PTER: variants seen among roughly 807,000 people sequenced by gnomAD.
PTER encodes phosphotriesterase related.
In PTER, 38 loss-of-function variants were observed where a neutral mutation model predicts 29.6. The observed-to-expected ratio is 1.28, with a 90% CI of 0.99 to 1.68. PTER has a LOEUF of 1.68. PTER is among the 40% of genes most tolerant of loss of function. The pLI is 0.00. For missense variants in PTER, 482 were observed against 427.8 expected (o/e 1.13, Z -1.12); for synonymous variants, 172 against 154.5 (o/e 1.11, Z -0.84).
intron 3 of PTER, among the ~76,000 whole-genome samples, chr10:16,490,181 A>T (rs1835846365): frequency 1.3e-5 from 2 of 152,184 alleles, no homozygotes; most frequent in African/African-American, 4.8e-5. Context: ...CCTATTTTAT[A>T]ATAAGGTGTT....
At chr10:16,487,994 T>C (rs1835766195) in intron 3 of PTER, among the ~76,000 whole-genome samples, 1 of 152,078 alleles carries the variant, frequency 6.6e-6, no homozygotes, top group Non-Finnish European at 1.5e-5. Context: ...AAAAAAAAAT[T>C]CTTTTACTTA....
intron 1 of PTER, among the ~76,000 whole-genome samples, chr10:16,451,321 A>G (rs975718737): frequency 4.6e-5 from 7 of 152,202 alleles, no homozygotes; most frequent in African/African-American, 1.4e-4. Context: ...ATCTTTGCCA[A>G]CACCCTCACA....
At chr10:16,493,071 C>T (rs577668296) in intron 3 of PTER, among the ~76,000 whole-genome samples, 61 of 152,250 alleles carry the variant, frequency 4.0e-4, no homozygotes, top group African/African-American at 1.3e-3. Context: ...ATATACCAGA[C>T]GTTGGGCTGT....
At chr10:16,467,751 G>A (rs1471293394) in intron 1 of PTER, among the ~76,000 whole-genome samples, 1 of 152,076 alleles carries the variant, frequency 6.6e-6, no homozygotes, top group Non-Finnish European at 1.5e-5. Context: ...GATGGAGGTT[G>A]CAGTGTGCAA....
chr10:16,464,235 A>G (rs1233809308), intron 1 of PTER, among the ~76,000 whole-genome samples: 1 of 152,230 alleles, frequency 6.6e-6, no homozygotes, highest in Non-Finnish European at 1.5e-5. Context: ...CTTTATTAAT[A>G]GTGGTCATCA....
intron 1 of PTER, among the ~76,000 whole-genome samples, chr10:16,479,758 C>G (rs771120831): frequency 6.6e-6 from 1 of 151,978 alleles, no homozygotes; most frequent in Non-Finnish European, 1.5e-5. Flanking sequence ...TCATCTCAGA[C>G]AAGACACTAC....
chr10:16,510,909 T>C, intron 4 of PTER, 137 bp from the exon 5 acceptor site: 1 of 672,676 alleles, frequency 1.5e-6, no homozygotes, highest in Non-Finnish European at 2.6e-6. Flanking sequence ...TTATTAAAGG[T>C]CTCTCAGTAC....
intron 1 of PTER, among the ~76,000 whole-genome samples, chr10:16,478,556 A>T (rs1468888787): frequency 6.6e-6 from 1 of 151,912 alleles, no homozygotes; most frequent in Non-Finnish European, 1.5e-5. Flanking sequence ...CTAGTCTCGA[A>T]CACCTGACCT....
intron 1 of PTER, among the ~76,000 whole-genome samples, chr10:16,466,936 A>G (rs1274195259): frequency 1.3e-5 from 2 of 152,210 alleles, no homozygotes; most frequent in African/African-American, 2.4e-5. Context: ...TTATAAAGGA[A>G]GACCTATGGC....
At chr10:16,497,396 TTTAACTA>T (rs1836154837) in intron 3 of PTER, among the ~76,000 whole-genome samples, 4 of 152,370 alleles carry the variant, frequency 2.6e-5, no homozygotes, top group Admixed American at 2.6e-4. Context: ...TTTTAGCACA[TTTAACTA>T]TAATTATTAG....
intron 1 of PTER, among the ~76,000 whole-genome samples, chr10:16,465,295 C>T (rs1834768882): frequency 1.3e-5 from 2 of 152,124 alleles, no homozygotes; most frequent in African/African-American, 4.8e-5. Context: ...CTCCTAGGGC[C>T]AGGATTGTTT....
At chr10:16,451,115 T>TG (rs1382423436) in intron 1 of PTER, among the ~76,000 whole-genome samples, 2 of 152,106 alleles carry the variant, frequency 1.3e-5, no homozygotes, top group African/African-American at 4.8e-5. Flanking sequence ...GTCCGAAAGC[T>TG]GAAGAACTTG....
intron 1 of PTER, among the ~76,000 whole-genome samples, chr10:16,449,802 A>C (rs1486166831): frequency 6.6e-6 from 1 of 152,128 alleles, no homozygotes; most frequent in Non-Finnish European, 1.5e-5. Flanking sequence ...GGTAGGTCTA[A>C]AGTGACTAAT....
intron 1 of PTER, among the ~76,000 whole-genome samples, chr10:16,446,506 A>T (rs11253997): frequency 6.6e-6 from 1 of 151,936 alleles, no homozygotes; most frequent in Admixed American, 6.6e-5. Context: ...TAGTGTAGTT[A>T]GATAGAGAGA....
chr10:16,490,242 T>C (rs1441774255), intron 3 of PTER, among the ~76,000 whole-genome samples: 1 of 152,142 alleles, frequency 6.6e-6, no homozygotes, highest in Non-Finnish European at 1.5e-5. Flanking sequence ...GAAAACGGAA[T>C]GTTTCTCTTG....
chr10:16,459,897 G>A (rs771196939), intron 1 of PTER, among the ~76,000 whole-genome samples: 18 of 152,008 alleles, frequency 1.2e-4, no homozygotes, highest in Admixed American at 1.3e-4. Context: ...ACAGGCATGC[G>A]CCACCATGCC....
chr10:16,487,849 G>A (rs1209945789), intron 3 of PTER, among the ~76,000 whole-genome samples: 2 of 152,078 alleles, frequency 1.3e-5, no homozygotes, highest in Non-Finnish European at 1.5e-5. Context: ...CTGATTATCA[G>A]ACCAGACAGA....
chr10:16,456,878 C>T (rs992753845), intron 1 of PTER, among the ~76,000 whole-genome samples: 1 of 149,370 alleles, frequency 6.7e-6, no homozygotes, highest in Non-Finnish European at 1.5e-5. Context: ...GGGGTTCCGC[C>T]ATGCTGTTCT....
At chr10:16,467,210 C>T (rs6602121) in intron 1 of PTER, among the ~76,000 whole-genome samples, 45,250 of 152,056 alleles carry the variant, frequency 0.3, 6,949 homozygotes, top group Middle Eastern at 0.45. Flanking sequence ...ACCGCATTCA[C>T]GTAAGTTTTA....
Sources: allele counts gnomAD v4.1 joint callset (sites outside exome capture counted in the v4.1 genomes callset), GRCh38; gene constraint gnomAD v4.1.1; transcripts MANE v1.5; gene names NCBI Gene and HGNC (gene_info 2026-07-23, HGNC 2026-07-21).